Variants in GRID2 observed in about 807,000 individuals in gnomAD.
The protein encoded by GRID2 is glutamate ionotropic receptor delta type subunit 2, also known as glutamate receptor ionotropic, delta-2.
GRID2 carries 33 observed loss-of-function variants against 114.8 expected under a neutral mutation model. The ratio of observed to expected loss-of-function variants is 0.29; its 90% CI spans 0.22 to 0.38. The LOEUF is 0.38. GRID2 is among the 10% of genes least tolerant of loss of function. GRID2 has a pLI of 1.00. For synonymous variants in GRID2, 505 were observed against 449.9 expected, an observed-to-expected ratio of 1.12 and a Z score of -1.55; for missense variants, 1,184 against 1,257.7, an observed-to-expected ratio of 0.94 and a Z score of 0.89.
chr4:93,063,534 A>G (rs1560839941), intron 2 of GRID2, among the ~76,000 whole-genome samples: 1 of 151,910 alleles, frequency 6.6e-6, no homozygotes, highest in Non-Finnish European at 1.5e-5. Flanking sequence ...AGTAAAACAT[A>G]AGAAATGATC....
chr4:92,356,156 A>C (rs1158433124), intron 1 of GRID2, among the ~76,000 whole-genome samples: 2 of 151,630 alleles, frequency 1.3e-5, no homozygotes, highest in Non-Finnish European at 3.0e-5. Flanking sequence ...TTTTAAAAAA[A>C]TGTGTCTTCA....
intron 14 of GRID2, among the ~76,000 whole-genome samples, chr4:93,628,181 A>C (rs959004144): frequency 6.6e-6 from 1 of 152,094 alleles, no homozygotes; most frequent in African/African-American, 2.4e-5. Context: ...AATCAATCAA[A>C]ATACATTTAT....
intron 1 of GRID2, among the ~76,000 whole-genome samples, chr4:92,406,303 C>T (rs1486141432): frequency 6.6e-6 from 1 of 152,166 alleles, no homozygotes; most frequent in Non-Finnish European, 1.5e-5. Flanking sequence ...TATAAAATCT[C>T]ATTTATCCCT....
chr4:93,246,517 G>T (rs1334901730), intron 8 of GRID2, among the ~76,000 whole-genome samples: 1 of 151,064 alleles, frequency 6.6e-6, no homozygotes, highest in Admixed American at 6.6e-5. Flanking sequence ...AACCTGGGAG[G>T]CAGAGCTTGC....
chr4:93,762,300 A>G (rs1398307022), intron 14 of GRID2, among the ~76,000 whole-genome samples: 3 of 152,158 alleles, frequency 2.0e-5, no homozygotes, highest in African/African-American at 7.2e-5. Flanking sequence ...TCTCCTAAAT[A>G]TCTTTTTAAT....
At chr4:93,520,053 T>A (rs1730178703) in intron 13 of GRID2, among the ~76,000 whole-genome samples, 1 of 152,108 alleles carries the variant, frequency 6.6e-6, no homozygotes, top group African/African-American at 2.4e-5. Context: ...TTTAGAAGAC[T>A]GAGGAAGGAA....
intron 2 of GRID2, among the ~76,000 whole-genome samples, chr4:92,632,356 C>T (rs1159015271): frequency 6.6e-6 from 1 of 152,002 alleles, no homozygotes. Flanking sequence ...AAGACCAGTC[C>T]GGGCACAGTG....
intron 2 of GRID2, among the ~76,000 whole-genome samples, chr4:92,917,618 T>A (rs1748921638): frequency 6.6e-6 from 1 of 152,166 alleles, no homozygotes; most frequent in South Asian, 2.1e-4. Context: ...AAATAGGGAA[T>A]CCTTTCCTCT....
rs111696328 is a variant in GRID2 at position 92,331,984 on chromosome 4, C to A, written c.88+27240C>A. On this transcript the variant is annotated intron_variant, in intron 1 of 15. Transcript: ENST00000282020. ...CTTCATTAAACCATTGCATGTGATT[C>A]TCTTGTCAGTGGTAGTTGGTAAGGG... Among the ~76,000 whole-genome samples, 964 of 152,254 alleles carry A rather than the reference C, an allele frequency of 6.3e-3. 13 individuals are homozygous for A. The highest frequency in any genetic ancestry group is 0.022 in the African/African-American group (911 of 41,536).
chr4:92,643,962 C>T (rs1731488075), intron 2 of GRID2, among the ~76,000 whole-genome samples: 1 of 151,654 alleles, frequency 6.6e-6, no homozygotes, highest in Admixed American at 6.6e-5. Context: ...TTACTATACA[C>T]ACATTTATTT....
intron 10 of GRID2, among the ~76,000 whole-genome samples, chr4:93,453,217 C>G (rs1252468046): frequency 6.6e-6 from 1 of 151,674 alleles, no homozygotes; most frequent in Non-Finnish European, 1.5e-5. Context: ...AGGACTACCA[C>G]ATACTCATTA....
At chr4:92,574,468 G>T (rs1267801882) in intron 1 of GRID2, among the ~76,000 whole-genome samples, 1 of 128,764 alleles carries the variant, frequency 7.8e-6, no homozygotes. Context: ...CATATTTAGT[G>T]CTTCCTTCAG....
chr4:92,560,707 C>A (rs1327964218), intron 1 of GRID2, among the ~76,000 whole-genome samples: 1 of 151,880 alleles, frequency 6.6e-6, no homozygotes, highest in East Asian at 1.9e-4. Context: ...CTACATGGAA[C>A]TAATTTTTTT....
In GRID2 at chr4:92,524,423, T is replaced by G. The variant is rs985387479; in HGVS notation, c.89-65708T>G. 1.0e-3 allele frequency among the ~76,000 whole-genome samples: 148 copies of G among 146,442 alleles called. No individual in the cohort carries two copies. In the East Asian group the frequency reaches 0.011, roughly 11 times the overall value. On this transcript the variant is annotated intron_variant, in intron 1 of 15. Coordinates refer to ENST00000282020, the MANE Select transcript of GRID2 (RefSeq NM_001510.4). ...TTTCCTTGTCTTTTTTTTTTTTTTT[T>G]TTTTTTTGTTTACCATCTAGAGGCT...
intron 14 of GRID2, among the ~76,000 whole-genome samples, chr4:93,636,988 T>A (rs1721466436): frequency 6.6e-6 from 1 of 152,160 alleles, no homozygotes; most frequent in Non-Finnish European, 1.5e-5. Flanking sequence ...ACCAGTAAAA[T>A]ATATGTTTTC....
chr4:93,551,916 C>G (rs1326450151), intron 13 of GRID2, among the ~76,000 whole-genome samples: 1 of 152,136 alleles, frequency 6.6e-6, no homozygotes, highest in Non-Finnish European at 1.5e-5. Context: ...TTTTAGGGTA[C>G]ATATGCACAA....
At chr4:93,035,374 G>A (rs1300310301) in intron 2 of GRID2, among the ~76,000 whole-genome samples, 2 of 152,028 alleles carry the variant, frequency 1.3e-5, no homozygotes, top group East Asian at 1.9e-4. Context: ...TAGACCTCCC[G>A]TACTGCTGGG....
At chr4:92,672,575 A>G (rs181452621) in intron 2 of GRID2, among the ~76,000 whole-genome samples, 2 of 152,222 alleles carry the variant, frequency 1.3e-5, no homozygotes, top group East Asian at 3.9e-4. Flanking sequence ...TAACTTAATA[A>G]GAGTGTTTGC....
chr4:92,540,982 T>C (rs546582549), intron 1 of GRID2, among the ~76,000 whole-genome samples: 5 of 152,210 alleles, frequency 3.3e-5, no homozygotes, highest in Admixed American at 3.3e-4. Context: ...GATGAGTTCA[T>C]GTCCTTTGTA....
Sources: allele counts gnomAD v4.1 joint callset (sites outside exome capture counted in the v4.1 genomes callset), GRCh38; gene constraint gnomAD v4.1.1; transcripts MANE v1.5; gene names NCBI Gene and HGNC (gene_info 2026-07-23, HGNC 2026-07-21).